ATXN10: variants seen among roughly 807,000 people sequenced by gnomAD.
The protein encoded by ATXN10 is ataxin 10.
A neutral mutation model predicts 52.9 loss-of-function variants in ATXN10; 28 were observed. That is an observed-to-expected ratio of 0.53 (90% CI 0.39 to 0.73). The LOEUF (loss-of-function observed/expected upper bound fraction) is 0.73. Ranked by LOEUF, ATXN10 falls within the 30% of genes least tolerant of loss-of-function variation. The pLI is 0.00. For synonymous variants in ATXN10, 226 were observed against 221.5 expected (o/e 1.02, Z -0.18); for missense variants, 565 against 577.0 (o/e 0.98, Z 0.21).
Position 45,718,456 on chromosome 22 carries a change from G to A in ATXN10, c.691G>A (p.Val231Ile), listed in dbSNP as rs754003567. The A allele has an allele frequency of 1.0e-4, 162 of 1,613,592 alleles. 1 individual carries two copies. Among genetic ancestry groups the A allele is most frequent in the Non-Finnish European group, 1.1e-5 (13 of 1,179,754 alleles). ...CCTCTTTCTGAAAAGCCCGGAATTG[G>A]TACAAGCCATGTTTCCCAAACTGAA... ...TDLFLKSPEL[V>I]QAMFPKLNNQ... The change falls in exon 6 of 12, where the codon GTA becomes ATA. Residue 231 changes from valine (V) to isoleucine (I), a missense_variant. Transcript: ENST00000252934. The surrounding 1 kb of genome is among the most constrained non-coding windows in gnomAD (Gnocchi z 4.4).
chr22:45,766,606 G>A lies in ATXN10; in HGVS notation c.1173+26068G>A, dbSNP rs1203361333. ...ACCTGAACCCATGCAAGTATTAGGA[G>A]AAAACATGAATGAGTTCCGTTATAT... On this transcript the variant is annotated intron_variant, in intron 9 of 11. Transcript: ENST00000252934. The surrounding 1 kb of genome is among the most constrained non-coding windows in gnomAD (Gnocchi z 4.6). Among the ~76,000 whole-genome samples the A allele has an allele frequency of 6.6e-6, 1 of 152,156 alleles. No individual in the cohort carries two copies. The highest frequency in any genetic ancestry group is 1.5e-5 in the Non-Finnish European group (1 of 68,030).
chr22:45,773,528 G>T (rs889008840), intron 9 of ATXN10, among the ~76,000 whole-genome samples: 1 of 151,746 alleles, frequency 6.6e-6, no homozygotes, highest in African/African-American at 2.4e-5. Flanking sequence ...GTGCAATCTC[G>T]GCTCACTGCA....
intron 9 of ATXN10, chr22:45,793,684 A>C: frequency 6.8e-7 from 1 of 1,463,564 alleles, no homozygotes; most frequent in Non-Finnish European, 9.1e-7. Flanking sequence ...AAGAGAAGTC[A>C]CCAATCACAC....
In ATXN10 at chr22:45,795,398, C is replaced by G. The variant is rs1055756783; in HGVS notation, c.1174-11561C>G. On this transcript the variant is annotated intron_variant, in intron 9 of 11. Coordinates refer to ENST00000252934, the MANE Select transcript of ATXN10 (RefSeq NM_013236.4). The surrounding 1 kb of genome is among the most constrained non-coding windows in gnomAD (Gnocchi z 4.6). ...CTATTCTATTCTATTCTATTCTATT[C>G]TATTCTATTCTATTCTATTCTATTC... Among the ~76,000 whole-genome samples, 5 of 149,344 alleles carry G rather than the reference C, an allele frequency of 3.3e-5. No individual in the cohort carries two copies. The highest frequency in any genetic ancestry group is 5.9e-5 in the Non-Finnish European group (4 of 67,746).
intron 9 of ATXN10, among the ~76,000 whole-genome samples, chr22:45,758,374 G>A (rs980724499): frequency 2.6e-5 from 4 of 152,340 alleles, no homozygotes; most frequent in East Asian, 1.9e-4. Flanking sequence ...AGAAAAACCA[G>A]TTTTACTTTT....
chr22:45,806,865 T>C, intron 9 of ATXN10, 94 bp from the exon 10 acceptor site: 2 of 954,162 alleles, frequency 2.1e-6, no homozygotes, highest in South Asian at 1.3e-5. Context: ...TATTATAACA[T>C]TGAGTAAGAA....
intron 5 of ATXN10, among the ~76,000 whole-genome samples, chr22:45,707,945 G>A (rs1924104884): frequency 6.6e-6 from 1 of 152,142 alleles, no homozygotes; most frequent in Non-Finnish European, 1.5e-5. Flanking sequence ...TACATTTTAG[G>A]AGATAGGTGG....
Position 45,780,053 on chromosome 22 carries a change from C to T in ATXN10, c.1174-26906C>T, listed in dbSNP as rs138406208. Among the ~76,000 whole-genome samples the T allele has an allele frequency of 4.9e-4, 75 of 151,558 alleles. No individual in the cohort carries two copies. The highest frequency in any genetic ancestry group is 9.4e-4 in the Non-Finnish European group (64 of 67,946). On this transcript the variant is annotated intron_variant, in intron 9 of 11. Coordinates refer to ENST00000252934, the MANE Select transcript of ATXN10 (RefSeq NM_013236.4). The surrounding 1 kb of genome is among the most constrained non-coding windows in gnomAD (Gnocchi z 4.0). ...ACATTCGTGAAATTCCAAATAAAAACGCTTATACAAACAAAAAGGCAGACT... is the reference window on the plus strand; with the variant it reads ...ACATTCGTGAAATTCCAAATAAAAATGCTTATACAAACAAAAAGGCAGACT...
intron 9 of ATXN10, among the ~76,000 whole-genome samples, chr22:45,778,746 G>C (rs529578758): frequency 1.4e-4 from 21 of 152,160 alleles, no homozygotes; most frequent in African/African-American, 4.1e-4. Flanking sequence ...TGACAAGATT[G>C]TTCTTGGTAC....
At chr22:45,793,624 AC>A (rs765569287) in intron 9 of ATXN10, 9 of 1,341,658 alleles carry the variant, frequency 6.7e-6, no homozygotes, top group Non-Finnish European at 8.7e-6. Context: ...TTCAGAAGTC[AC>A]AGTCTGTTCC....
Position 45,844,569 on chromosome 22 carries a change from TTATCTGTCTGTCTGTTCATC to T in ATXN10, c.*904_*923del, listed in dbSNP as rs1359872275. On this transcript the variant is annotated 3_prime_UTR_variant, in exon 12 of 12. Coordinates refer to ENST00000252934, the MANE Select transcript of ATXN10 (RefSeq NM_013236.4). ...GAGCAGGAGTTTATTTGACATCTAG[TTATCTGTCTGTCTGTTCATC>T]TATCTATCTGTCTGCTGTATGAGAG... 1 of 152,216 alleles carries T rather than the reference TTATCTGTCTGTCTGTTCATC, an allele frequency of 6.6e-6. No homozygotes were observed. The highest frequency in any genetic ancestry group is 1.5e-5 in the Non-Finnish European group (1 of 68,032). The allele number at this position is 152,216 out of a possible 1,614,324, so 9.4% of individuals were successfully genotyped here.
At position 45,759,162 on chromosome 22, in the gene ATXN10, G is replaced by C. The variant is rs1452141804; in HGVS notation, c.1173+18624G>C. ...AGGTGCTGGAGAGAAGGAAGGGGAA[G>C]AAAAGGTCCTCACCCTCAAGTAACT... On this transcript the variant is annotated intron_variant, in intron 9 of 11. Transcript: ENST00000252934. This position sits in a 1 kb window ranked among gnomAD's most constrained non-coding sequence, Gnocchi z 5.4. Among the ~76,000 whole-genome samples, 2 of 152,178 alleles carry C rather than the reference G, an allele frequency of 1.3e-5. No homozygotes were observed. Among genetic ancestry groups the C allele is most frequent in the Non-Finnish European group, 2.9e-5 (2 of 68,026 alleles).
At chr22:45,798,138 A>G (rs897530634) in intron 9 of ATXN10, among the ~76,000 whole-genome samples, 2 of 152,244 alleles carry the variant, frequency 1.3e-5, no homozygotes, top group African/African-American at 4.8e-5. Flanking sequence ...CTTTCATAAA[A>G]TAGAGGAGGG....
chr22:45,793,767 G>A (rs751340786), intron 9 of ATXN10: 1 of 1,381,674 alleles, frequency 7.2e-7, no homozygotes, highest in Non-Finnish European at 9.4e-7. Flanking sequence ...TTTCCCCAGT[G>A]ATGCAGGACA....
intron 2 of ATXN10, among the ~76,000 whole-genome samples, chr22:45,691,638 G>A (rs1248552127): frequency 6.6e-6 from 1 of 152,236 alleles, no homozygotes; most frequent in Admixed American, 6.5e-5. Flanking sequence ...GCTCACGCCT[G>A]TAATCCCAAC....
intron 10 of ATXN10, among the ~76,000 whole-genome samples, chr22:45,829,586 A>T (rs1000758192): frequency 6.6e-6 from 1 of 152,202 alleles, no homozygotes; most frequent in Admixed American, 6.5e-5. Flanking sequence ...TCTATTTACT[A>T]ATACTGACGG....
intron 3 of ATXN10, among the ~76,000 whole-genome samples, chr22:45,693,871 C>G (rs1216186586): frequency 6.6e-6 from 1 of 152,192 alleles, no homozygotes; most frequent in Non-Finnish European, 1.5e-5. Context: ...AATCAGCCCT[C>G]TCGACACCTT....
chr22:45,785,641 C>T (rs1927298327), intron 9 of ATXN10, among the ~76,000 whole-genome samples: 1 of 152,208 alleles, frequency 6.6e-6, no homozygotes, highest in African/African-American at 2.4e-5. Flanking sequence ...GCCAGAATGA[C>T]TCACCTAAGT....
rs745625221 is a variant in ATXN10, at chr22:45,759,695, C to A, written c.1173+19157C>A. Among the ~76,000 whole-genome samples the A allele has an allele frequency of 3.3e-5, 5 of 152,132 alleles. No homozygotes were observed. Among genetic ancestry groups the A allele is most frequent in the Non-Finnish European group, 7.4e-5 (5 of 68,014 alleles). ...GCATCAGCTCCTCCCTCCCAGCCACCCTGCCCTTCATAAAGCTCTAGTTTT... is the reference window on the plus strand; with the variant it reads ...GCATCAGCTCCTCCCTCCCAGCCACACTGCCCTTCATAAAGCTCTAGTTTT... On this transcript the variant is annotated intron_variant, in intron 9 of 11. Coordinates refer to ENST00000252934, the MANE Select transcript of ATXN10 (RefSeq NM_013236.4). The surrounding 1 kb of genome is among the most constrained non-coding windows in gnomAD (Gnocchi z 5.4).
Sources: allele counts gnomAD v4.1 joint callset (sites outside exome capture counted in the v4.1 genomes callset), GRCh38; gene constraint gnomAD v4.1.1; non-coding constraint Gnocchi (gnomAD v3.1); transcripts MANE v1.5; gene names NCBI Gene and HGNC (gene_info 2026-07-23, HGNC 2026-07-21).